PTCD1: variants seen among roughly 807,000 people sequenced by gnomAD.
PTCD1 encodes pentatricopeptide repeat domain 1, also known as pentatricopeptide repeat-containing protein 1, mitochondrial.
PTCD1 carries 50 observed loss-of-function variants against 53.4 expected under a neutral mutation model. The ratio of observed to expected loss-of-function variants is 0.94; its 90% CI spans 0.75 to 1.19. The LOEUF is 1.19. PTCD1 is among the 50% of genes most tolerant of loss of function. The probability of loss-of-function intolerance (pLI) is 0.00; values close to 1 mark genes in which losing one functional copy is unlikely to be tolerated. For missense variants in PTCD1, 918 were observed against 904.8 expected, an observed-to-expected ratio of 1.01 and a Z score of -0.19; for synonymous variants, 413 against 394.8, an observed-to-expected ratio of 1.05 and a Z score of -0.55.
Position 99,419,687 on chromosome 7 carries a change from A to G in PTCD1, c.*280T>C, listed in dbSNP as rs1284809579. The G allele has an allele frequency of 2.9e-6, 2 of 692,230 alleles. No individual in the cohort carries two copies. The highest frequency in any genetic ancestry group is 2.9e-5 in the Admixed American group (1 of 34,400). The allele number at this position is 692,230 out of a possible 1,614,324, so 42.9% of individuals were successfully genotyped here. A position where few individuals can be genotyped will look rare whatever the true frequency, so the allele number is the denominator to read the frequency against. ...GGGCGGCCCAGGCCCCAGGGACCAG[A>G]TGCCCCAGCCCCCTTGTGGTGTGTG... On this transcript the variant is annotated 3_prime_UTR_variant, in exon 8 of 8. Coordinates refer to ENST00000292478, the MANE Select transcript of PTCD1 (RefSeq NM_015545.4).
Position 99,425,304 on chromosome 7 carries a change from C to A in PTCD1, c.1228G>T (p.Ala410Ser), listed in dbSNP as rs1562841006. 1.2e-6 allele frequency: 2 copies of A among 1,613,970 alleles called. No individual in the cohort carries two copies. Among genetic ancestry groups the A allele is most frequent in the Admixed American group, 3.3e-5 (2 of 60,002 alleles). The stretch of plus-strand genomic sequence containing the variant: ...GCCTTAGTATCCACCTCTGGTTGGG[C>A]CTTGCCGGGCACTCTGGCTTCCGGA... ...EPPEARVPGKAQPEVDTKAEP... is the reference protein window; with the variant it reads ...EPPEARVPGKSQPEVDTKAEP... Residue 410 changes from alanine to serine, a missense_variant, in exon 6 of 8, where the codon GCC becomes TCC. Coordinates refer to ENST00000292478, the MANE Select transcript of PTCD1 (RefSeq NM_015545.4).
At chr7:99,428,419 AATTAAAAAC>A (rs1171821482) in intron 5 of PTCD1, among the ~76,000 whole-genome samples, 2 of 151,200 alleles carry the variant, frequency 1.3e-5, no homozygotes, top group Non-Finnish European at 2.9e-5. Context: ...AAAAAAAAAA[AATTAAAAAC>A]ATTAAAAAGA....
intron 1 of PTCD1, 163 bp downstream of exon 1, chr7:99,438,529 G>C (rs1343407114): frequency 1.8e-6 from 2 of 1,121,664 alleles, no homozygotes. Flanking sequence ...AGGCCCACCC[G>C]GACCCTCAGG....
rs776132263 is a variant in PTCD1 at position 99,425,551 on chromosome 7, C to T, written c.981G>A (p.Val327=). 3 of 1,612,766 alleles carry T rather than the reference C, an allele frequency of 1.9e-6. No homozygotes were observed. The South Asian group carries it at 3.3e-5, about 18-fold the overall frequency. The change falls in exon 6 of 8, where the codon GTG becomes GTA. Residue 327 remains valine, a synonymous_variant. Transcript: ENST00000292478. The stretch of plus-strand genomic sequence containing the variant: ...CCCCTAGGCCACAGTCCCGAGCTGC[C>T]ACCAACAGCAGGTTGTAGCTGTCCC... ...PSRDSYNLLL[V]AARDCGLGDP...
chr7:99,435,236 A>C lies in PTCD1; in HGVS notation c.7T>G (p.Phe3Val). 1.9e-6 allele frequency: 3 copies of C among 1,602,008 alleles called. No homozygotes were observed. Among genetic ancestry groups the C allele is most frequent in the Non-Finnish European group, 1.7e-6 (2 of 1,179,980 alleles). The change falls in exon 2 of 8, where the codon TTC becomes GTC. Residue 3 changes from phenylalanine to valine, a missense_variant. By Grantham distance (50) the Phe-to-Val change is conservative (BLOSUM62 -1). Coordinates refer to ENST00000292478, the MANE Select transcript of PTCD1 (RefSeq NM_015545.4). MD[F>V]VRLARLFARA... Reference sequence around the variant, plus strand: ...GCGAACAGTCGAGCGAGTCTCACGAAGTCCATTTCTGGCTTTCCTGTCCCT... The same window carrying C: ...GCGAACAGTCGAGCGAGTCTCACGACGTCCATTTCTGGCTTTCCTGTCCCT...
In PTCD1 at chr7:99,419,871, G is replaced by A; in HGVS notation, c.*96C>T. 6.3e-7 allele frequency: 1 copy of A among 1,594,884 alleles called. No individual in the cohort carries two copies. The highest frequency in any genetic ancestry group is 8.5e-7 in the Non-Finnish European group (1 of 1,170,528). Reference sequence around the variant, plus strand: ...ACGCTGCGGCTGTTCCTCAGGGCCTGGCTCTTCCCCCAGGCAGGAGGTGAC... The same window carrying A: ...ACGCTGCGGCTGTTCCTCAGGGCCTAGCTCTTCCCCCAGGCAGGAGGTGAC... On this transcript the variant is annotated 3_prime_UTR_variant, in exon 8 of 8. Transcript: ENST00000292478.
chr7:99,432,241 G>A (rs1329923371), intron 3 of PTCD1, among the ~76,000 whole-genome samples: 2 of 152,202 alleles, frequency 1.3e-5, no homozygotes, highest in African/African-American at 4.8e-5. Flanking sequence ...TTGCAGTTGA[G>A]ATAAGAGGAA....
chr7:99,424,971 T>C lies in PTCD1; in HGVS notation c.1561A>G (p.Thr521Ala). 1 of 1,614,232 alleles carries C rather than the reference T, an allele frequency of 6.2e-7. No individual in the cohort carries two copies. Among genetic ancestry groups the C allele is most frequent in the South Asian group, 1.1e-5 (1 of 91,090 alleles). The change falls in exon 6 of 8, where the codon ACA (threonine) becomes GCA (alanine). Residue 521 changes from threonine (T) to alanine (A), a missense_variant. By Grantham distance (58) the Thr-to-Ala change is moderately conservative (BLOSUM62 0). Transcript: ENST00000292478. ...TTTCTCACCAGCGTGTTAAAGAATGTCAGGTCGGCCTCTACCTGGTGCTCA... is the reference window on the plus strand; with the variant it reads ...TTTCTCACCAGCGTGTTAAAGAATGCCAGGTCGGCCTCTACCTGGTGCTCA... ...LDEHQVEADL[T>A]FFNTLVRKKS...
At chr7:99,435,849 C>A (rs1011264413) in intron 1 of PTCD1, among the ~76,000 whole-genome samples, 8 of 151,134 alleles carry the variant, frequency 5.3e-5, no homozygotes, top group African/African-American at 7.3e-5. Context: ...GTAGGAGAAT[C>A]GCTTGAACCC....
At chr7:99,436,819 C>G (rs1796484463) in intron 1 of PTCD1, among the ~76,000 whole-genome samples, 1 of 152,180 alleles carries the variant, frequency 6.6e-6, no homozygotes, top group South Asian at 2.1e-4. Flanking sequence ...CTGCATCTGG[C>G]AAGCCCTGCC....
At chr7:99,430,243 A>G (rs1054020618) in intron 3 of PTCD1, among the ~76,000 whole-genome samples, 2 of 152,226 alleles carry the variant, frequency 1.3e-5, no homozygotes, top group Non-Finnish European at 2.9e-5. Flanking sequence ...AAGTGGGAGG[A>G]TGCACTGCAG....
At position 99,419,285 on chromosome 7, in the gene PTCD1, T is replaced by TC; in HGVS notation, c.*681_*682insG. ...AGGAAGGGTTTCTGAGGTGTGTCCC[T>TC]ATATGGCATGGTGGCAGGTCCTTCG... is the stretch of plus-strand genomic sequence containing the variant. On this transcript the variant is annotated 3_prime_UTR_variant, in exon 8 of 8. Transcript: ENST00000292478. The TC allele has an allele frequency of 7.2e-7, 1 of 1,384,854 alleles. No individual in the cohort carries two copies. The highest frequency in any genetic ancestry group is 1.2e-5 in the South Asian group (1 of 85,246). 85.8% of individuals were successfully genotyped at this position (1,384,854 alleles called of 1,614,324 possible). A position where few individuals can be genotyped will look rare whatever the true frequency, so the allele number is the denominator to read the frequency against.
intron 5 of PTCD1, among the ~76,000 whole-genome samples, chr7:99,426,864 C>T (rs1248763836): frequency 3.3e-5 from 5 of 150,564 alleles, no homozygotes; most frequent in South Asian, 2.1e-4. Context: ...TCTGCCCGGC[C>T]GCGACCCCGT....
chr7:99,429,633 C>T lies in PTCD1; in HGVS notation c.768G>A (p.Met256Ile), dbSNP rs1796183685. The change falls in exon 4 of 8, where the codon ATG becomes ATA. Residue 256 changes from methionine (M) to isoleucine (I), a missense_variant. Transcript: ENST00000292478. ...TCCTAAGGTCTGCGCACTTGGCAGC[C>T]ATCTTCAGCAGCGCGTGGTATGTTT... ...NLKTYHALLK[M>I]AAKCADLRMC... 6.2e-7 allele frequency: 1 copy of T among 1,614,100 alleles called. No homozygotes were observed. The highest frequency in any genetic ancestry group is 1.7e-5 in the Admixed American group (1 of 60,000).
chr7:99,420,214 G>A, intron 7 of PTCD1, 65 bp from the exon 8 acceptor site: 1 of 1,607,556 alleles, frequency 6.2e-7, no homozygotes, highest in East Asian at 2.2e-5. Flanking sequence ...AACCTCGGCA[G>A]CTGGCTCAGG....
Position 99,419,594 on chromosome 7 carries a change from A to C in PTCD1, c.*373T>G. The C allele has an allele frequency of 1.1e-6, 1 of 920,728 alleles. No homozygotes were observed. The highest frequency in any genetic ancestry group is 1.6e-5 in the South Asian group (1 of 63,038). The allele number at this position is 920,728 out of a possible 1,614,324, so 57.0% of individuals were successfully genotyped here. A position where few individuals can be genotyped will look rare whatever the true frequency, so the allele number is the denominator to read the frequency against. Reference sequence around the variant, plus strand: ...CTGTCTATCAGCTGTGATTTGTAAAAATAAAATCTTTAAATCTCTCGAGCC... The same window carrying C: ...CTGTCTATCAGCTGTGATTTGTAAACATAAAATCTTTAAATCTCTCGAGCC... On this transcript the variant is annotated 3_prime_UTR_variant, in exon 8 of 8. Transcript: ENST00000292478.
Position 99,429,578 on chromosome 7 carries a change from G to A in PTCD1, c.813+10C>T. 6.2e-7 allele frequency: 1 copy of A among 1,614,210 alleles called. No homozygotes were observed. Among genetic ancestry groups the A allele is most frequent in the South Asian group, 1.1e-5 (1 of 91,074 alleles). ...CATGAAGGGGAGCAGGACGGCAGGG[G>A]AAGCCCCACCTTGAACACATCGAGG... On this transcript the variant is annotated intron_variant, in intron 4 of 7. Coordinates refer to ENST00000292478, the MANE Select transcript of PTCD1 (RefSeq NM_015545.4).
intron 3 of PTCD1, 64 bp from the exon 4 acceptor site, chr7:99,429,870 C>T (rs1182696673): frequency 5.6e-6 from 9 of 1,594,870 alleles, no homozygotes; most frequent in Non-Finnish European, 7.7e-6. Flanking sequence ...TGAGCAGCTG[C>T]CCCAGAGGAG....
Position 99,419,656 on chromosome 7 carries a change from C to T in PTCD1, c.*311G>A, listed in dbSNP as rs1562836278. 7 of 739,666 alleles carry T rather than the reference C, an allele frequency of 9.5e-6. No homozygotes were observed. Among genetic ancestry groups the T allele is most frequent in the Non-Finnish European group, 1.1e-5 (5 of 463,090 alleles). 45.8% of individuals were successfully genotyped at this position (739,666 alleles called of 1,614,324 possible). On this transcript the variant is annotated 3_prime_UTR_variant, in exon 8 of 8. Coordinates refer to ENST00000292478, the MANE Select transcript of PTCD1 (RefSeq NM_015545.4). ...CTTTCAGAGCATCGGCCTATGGAAC[C>T]CGGCGGGGCGGCCCAGGCCCCAGGG...
Sources: gnomAD v4.1 joint callset for allele counts (sites outside exome capture counted in the v4.1 genomes callset) on GRCh38, gnomAD v4.1.1 for gene constraint, MANE v1.5 for transcripts, NCBI Gene and HGNC (gene_info 2026-07-23, HGNC 2026-07-21) for gene names.